THSD7B: variants seen among roughly 807,000 people sequenced by gnomAD.
The protein encoded by THSD7B is thrombospondin type-1 domain-containing protein 7B.
A neutral mutation model predicts 213.6 loss-of-function variants in THSD7B; 138 were observed. That is an observed-to-expected ratio of 0.65 (90% confidence interval 0.56 to 0.74). THSD7B has a LOEUF of 0.74. THSD7B is among the 30% of genes least tolerant of loss of function. The pLI, the probability that THSD7B is intolerant of heterozygous loss-of-function variation, is 0.00. For synonymous variants in THSD7B, 742 were observed against 687.0 expected (o/e 1.08, Z -1.25); for missense variants, 1,931 against 1,991.5 (o/e 0.97, Z 0.58).
intron 15 of THSD7B, among the ~76,000 whole-genome samples, chr2:137,456,880 C>T (rs1687773574): frequency 6.6e-6 from 1 of 152,188 alleles, no homozygotes; most frequent in Admixed American, 6.5e-5. Context: ...CAGGCATACA[C>T]CCTATCTTGG....
At chr2:137,265,048 A>G (rs1324016753) in intron 10 of THSD7B, among the ~76,000 whole-genome samples, 1 of 151,916 alleles carries the variant, frequency 6.6e-6, no homozygotes, top group Non-Finnish European at 1.5e-5. Context: ...TCATTGTTCA[A>G]TTCCCACCTA....
At chr2:136,796,980 TCA>T (rs58116447) in intron 1 of THSD7B, among the ~76,000 whole-genome samples, 1,767 of 146,788 alleles carry the variant, frequency 0.012, 16 homozygotes, top group Middle Eastern at 0.034. Flanking sequence ...TCATATTTGA[TCA>T]CACACACACA....
chr2:137,666,777 AC>A (rs1280638434), intron 26 of THSD7B, among the ~76,000 whole-genome samples: 1 of 152,094 alleles, frequency 6.6e-6, no homozygotes, highest in African/African-American at 2.4e-5. Flanking sequence ...AGTTTCTATC[AC>A]ATGTAGAAAA....
intron 2 of THSD7B, among the ~76,000 whole-genome samples, chr2:136,954,735 G>A (rs201916450): frequency 0.043 from 4,451 of 102,556 alleles, 194 homozygotes; most frequent in East Asian, 0.099. Flanking sequence ...AAAAAAAAAA[G>A]AAATTACATA....
chr2:137,187,462 C>T (rs896352257), intron 7 of THSD7B, among the ~76,000 whole-genome samples: 1 of 152,194 alleles, frequency 6.6e-6, no homozygotes, highest in African/African-American at 2.4e-5. Flanking sequence ...TTCTCAGTTA[C>T]TTCCTTTTGC....
rs922292022 is a variant in THSD7B, at chr2:136,855,991, T to C, written c.-35-26153T>C. Among the ~76,000 whole-genome samples, 11 of 63,922 alleles carry C rather than the reference T, an allele frequency of 1.7e-4. No homozygotes were observed. The East Asian group carries it at 4.6e-3, about 27-fold the overall frequency. 41.9% of individuals were successfully genotyped at this position (63,922 alleles called of 152,430 possible). On this transcript the variant is annotated intron_variant, in intron 1 of 27. Coordinates refer to ENST00000409968, the MANE Select transcript of THSD7B (RefSeq NM_001316349.2). ...CTTGAATGTCACCTTCTCAAGGAAG[T>C]TTTTCCCTATCCACCACCTACGTTC... is the stretch of plus-strand genomic sequence containing the variant.
intron 1 of THSD7B, among the ~76,000 whole-genome samples, chr2:136,861,423 T>C (rs1683257967): frequency 1.3e-5 from 2 of 152,216 alleles, no homozygotes; most frequent in Non-Finnish European, 2.9e-5. Context: ...TTTGTCTCAC[T>C]TAAGACAACT....
intron 15 of THSD7B, among the ~76,000 whole-genome samples, chr2:137,511,687 A>C (rs1035015144): frequency 2.0e-5 from 3 of 152,134 alleles, no homozygotes; most frequent in Admixed American, 2.0e-4. Context: ...ATCCTCTGCC[A>C]CCCGAGCTGT....
At chr2:137,170,686 T>C in intron 6 of THSD7B, 55 bp from the exon 7 acceptor site, 1 of 1,569,938 alleles carries the variant, frequency 6.4e-7, no homozygotes, top group East Asian at 2.3e-5. Context: ...CTGCTTCTTT[T>C]CCTTTCCTGG....
intron 5 of THSD7B, among the ~76,000 whole-genome samples, chr2:137,118,872 G>A (rs1251006540): frequency 2.6e-5 from 4 of 152,112 alleles, no homozygotes; most frequent in African/African-American, 9.7e-5. Context: ...TGGCAGAAGG[G>A]GAAAGACATG....
chr2:137,197,216 C>G (rs887982353), intron 7 of THSD7B, among the ~76,000 whole-genome samples: 1 of 152,012 alleles, frequency 6.6e-6, no homozygotes, highest in African/African-American at 2.4e-5. Flanking sequence ...TAAAAAGGTC[C>G]GGAAATTAGG....
rs563806976 is a variant in THSD7B, at chr2:137,109,928, C to T, written c.1200-5196C>T. Among the ~76,000 whole-genome samples the T allele has an allele frequency of 5.3e-5, 8 of 152,214 alleles. No individual in the cohort carries two copies. The South Asian group carries it at 1.7e-3, about 32-fold the overall frequency. ...TCTCTACTATTCTCCCCTTGACCCA[C>T]CTGTCTTAACCACACTGGCTTCTGT... On this transcript the variant is annotated intron_variant, in intron 4 of 27. Transcript: ENST00000409968.
chr2:137,062,675 G>A (rs965432444), intron 3 of THSD7B, among the ~76,000 whole-genome samples: 1 of 151,706 alleles, frequency 6.6e-6, no homozygotes, highest in African/African-American at 2.4e-5. Flanking sequence ...AGCATATGTT[G>A]TATGATTTCT....
At chr2:137,458,718 A>G (rs1279215928) in intron 15 of THSD7B, among the ~76,000 whole-genome samples, 5 of 152,132 alleles carry the variant, frequency 3.3e-5, no homozygotes, top group Admixed American at 3.3e-4. Flanking sequence ...TTTTTCCTCA[A>G]AAATTGATGT....
intron 1 of THSD7B, among the ~76,000 whole-genome samples, chr2:136,813,437 C>T (rs111320322): frequency 1.5e-4 from 22 of 143,838 alleles, no homozygotes; most frequent in African/African-American, 5.3e-4. Flanking sequence ...AAAAATGGAG[C>T]GCCTGCTCTT....
At position 137,572,408 on chromosome 2, in the gene THSD7B, G is replaced by A. The variant is rs1460765702; in HGVS notation, c.3275G>A (p.Cys1092Tyr). The A allele has an allele frequency of 6.2e-7, 1 of 1,613,840 alleles. No individual in the cohort carries two copies. The highest frequency in any genetic ancestry group is 2.2e-5 in the East Asian group (1 of 44,866). Residue 1092 changes from cysteine (C) to tyrosine (Y), a missense_variant and splice_region_variant, in exon 17 of 28, where the codon TGT (cysteine) becomes TAT (tyrosine). Coordinates refer to ENST00000409968, the MANE Select transcript of THSD7B (RefSeq NM_001316349.2). ...TATCTTGTGACCTTGCTTTACAGAT[G>A]TGTGAATACTGCGGATGGTGAAGGT... ...GGGTQSRKIR[C>Y]VNTADGEGGA...
At chr2:137,076,494 T>A (rs895948036) in intron 3 of THSD7B, among the ~76,000 whole-genome samples, 3 of 152,238 alleles carry the variant, frequency 2.0e-5, no homozygotes, top group Non-Finnish European at 4.4e-5. Context: ...CTGTCACCCC[T>A]TTCTTTGACT....
chr2:136,885,906 G>A (rs1277037389), intron 2 of THSD7B, among the ~76,000 whole-genome samples: 2 of 152,148 alleles, frequency 1.3e-5, no homozygotes, highest in Admixed American at 6.6e-5. Context: ...TGCAGTGGGA[G>A]CAGGGAGACT....
chr2:137,540,316 T>G (rs1680586657), intron 15 of THSD7B, among the ~76,000 whole-genome samples: 1 of 151,706 alleles, frequency 6.6e-6, no homozygotes, highest in Admixed American at 6.6e-5. Context: ...AAATCAAGTT[T>G]CATAGAATTC....
Sources: allele counts gnomAD v4.1 joint callset (sites outside exome capture counted in the v4.1 genomes callset), GRCh38; gene constraint gnomAD v4.1.1; transcripts MANE v1.5; gene names NCBI Gene and HGNC (gene_info 2026-07-23, HGNC 2026-07-21).